Variants in FHIT observed in about 807,000 individuals in gnomAD.
FHIT encodes the protein fragile histidine triad diadenosine triphosphatase.
A neutral mutation model predicts 17.9 loss-of-function variants in FHIT; 19 were observed. That is an observed-to-expected ratio of 1.06 (90% CI 0.74 to 1.56). The LOEUF (loss-of-function observed/expected upper bound fraction) is 1.56, where lower values mean the gene tolerates loss of function less well. FHIT is among the 40% of genes most tolerant of loss of function. The pLI is 0.00. For synonymous variants in FHIT, 81 were observed against 69.7 expected (o/e 1.16, Z -0.81); for missense variants, 248 against 189.2 (o/e 1.31, Z -1.82).
At chr3:60,116,243 A>G (rs1704955958) in intron 5 of FHIT, among the ~76,000 whole-genome samples, 1 of 152,204 alleles carries the variant, frequency 6.6e-6, no homozygotes, top group African/African-American at 2.4e-5. Context: ...TAAAGTAGAA[A>G]TATAAACAAA....
chr3:61,239,764 T>TATATATATATATATATAC (rs2040325530), intron 1 of FHIT, among the ~76,000 whole-genome samples: 1 of 56,792 alleles, frequency 1.8e-5, no homozygotes, highest in Non-Finnish European at 6.7e-5. Flanking sequence ...CAACTGGCCA[T>TATATATATATATATATAC]ATATATATAT....
At chr3:60,639,165 G>A (rs1283784528) in intron 4 of FHIT, among the ~76,000 whole-genome samples, 1 of 150,964 alleles carries the variant, frequency 6.6e-6, no homozygotes, top group Non-Finnish European at 1.5e-5. Flanking sequence ...GCATCGTGAG[G>A]GAATAAACCA....
At chr3:59,767,220 C>T (rs751528464) in intron 8 of FHIT, among the ~76,000 whole-genome samples, 6 of 152,112 alleles carry the variant, frequency 3.9e-5, no homozygotes, top group Admixed American at 6.5e-5. Context: ...AGAGCTGGGC[C>T]GGGCGCGGTG....
chr3:59,762,083 C>A (rs1701545714), intron 8 of FHIT, among the ~76,000 whole-genome samples: 1 of 152,086 alleles, frequency 6.6e-6, no homozygotes, highest in South Asian at 2.1e-4. Flanking sequence ...TCATGACAGT[C>A]AACCTGGTAA....
intron 5 of FHIT, among the ~76,000 whole-genome samples, chr3:60,443,416 A>C (rs977475902): frequency 3.3e-5 from 5 of 152,162 alleles, no homozygotes; most frequent in African/African-American, 1.2e-4. Flanking sequence ...GGTTTGTCAT[A>C]AACAGCTTTT....
chr3:59,781,805 C>T (rs1220371430), intron 8 of FHIT, among the ~76,000 whole-genome samples: 1 of 152,086 alleles, frequency 6.6e-6, no homozygotes, highest in Non-Finnish European at 1.5e-5. Context: ...TGTCCTAGGC[C>T]CTAGAGAAAA....
intron 5 of FHIT, among the ~76,000 whole-genome samples, chr3:60,191,259 T>C (rs1251718441): frequency 6.6e-6 from 1 of 152,014 alleles, no homozygotes; most frequent in East Asian, 1.9e-4. Flanking sequence ...TATACAAAAA[T>C]AATGCTTAAA....
At chr3:61,063,936 G>C (rs1041177317) in intron 2 of FHIT, among the ~76,000 whole-genome samples, 4 of 152,200 alleles carry the variant, frequency 2.6e-5, no homozygotes, top group African/African-American at 9.6e-5. Context: ...AACATGGACA[G>C]AAGTATAGCA....
chr3:59,835,413 TAAAG>T (rs1186652563), intron 8 of FHIT, among the ~76,000 whole-genome samples: 1 of 152,180 alleles, frequency 6.6e-6, no homozygotes, highest in Non-Finnish European at 1.5e-5. Flanking sequence ...ACCTTCATAA[TAAAG>T]AGAGTCTTTG....
At chr3:60,751,853 A>C (rs1271004504) in intron 4 of FHIT, among the ~76,000 whole-genome samples, 1 of 152,176 alleles carries the variant, frequency 6.6e-6, no homozygotes, top group African/African-American at 2.4e-5. Context: ...ATATAAAAAA[A>C]CCAGAAACAA....
chr3:61,041,551 G>T (rs948661944), intron 3 of FHIT, among the ~76,000 whole-genome samples: 3 of 151,816 alleles, frequency 2.0e-5, no homozygotes, highest in Non-Finnish European at 4.4e-5. Context: ...TCTTTTTACT[G>T]ATATAATTCC....
intron 5 of FHIT, among the ~76,000 whole-genome samples, chr3:60,054,009 T>C (rs1701986348): frequency 6.6e-6 from 1 of 152,186 alleles, no homozygotes; most frequent in Non-Finnish European, 1.5e-5. Context: ...GTGATTACTC[T>C]GGAAAAGAAA....
intron 8 of FHIT, among the ~76,000 whole-genome samples, chr3:59,861,122 C>G (rs1468546647): frequency 6.6e-6 from 1 of 151,948 alleles, no homozygotes; most frequent in Non-Finnish European, 1.5e-5. Flanking sequence ...GAAGGGGAAG[C>G]AAGCACAAGC....
intron 2 of FHIT, among the ~76,000 whole-genome samples, chr3:61,061,777 C>T (rs115826823): frequency 5.8e-4 from 88 of 152,220 alleles, no homozygotes; most frequent in African/African-American, 1.8e-3. Context: ...ACAAGGTACA[C>T]GTTATTGCAA....
chr3:59,831,532 C>T (rs771352778), intron 8 of FHIT, among the ~76,000 whole-genome samples: 10 of 152,158 alleles, frequency 6.6e-5, no homozygotes, highest in African/African-American at 9.7e-5. Flanking sequence ...CTACCCTCTA[C>T]CCCAGCATTG....
intron 4 of FHIT, among the ~76,000 whole-genome samples, chr3:60,719,082 A>G (rs1735470): frequency 0.93 from 140,951 of 152,208 alleles, 65,753 homozygotes; most frequent in East Asian, 1. Context: ...CAGCCCCACT[A>G]TATCAAGTCC....
chr3:60,738,710 G>A (rs1408275993), intron 4 of FHIT, among the ~76,000 whole-genome samples: 1 of 152,178 alleles, frequency 6.6e-6, no homozygotes, highest in Non-Finnish European at 1.5e-5. Flanking sequence ...AAACACATGT[G>A]AAATGAATGA....
chr3:60,099,112 C>T lies in FHIT; in HGVS notation c.104-84960G>A, dbSNP rs144271279. On this transcript the variant is annotated intron_variant, in intron 5 of 9. Transcript: ENST00000492590. ...CTCCCACTGTGCCTAAAACCCAACA[C>T]TCCAGCCAAAGAGTAATCATGCGCT... Among the ~76,000 whole-genome samples the T allele has an allele frequency of 3.9e-3, 600 of 152,282 alleles. 2 individuals are homozygous for T. The highest frequency in any genetic ancestry group is 0.013 in the African/African-American group (557 of 41,560).
At chr3:61,211,652 G>A (rs1187224209) in intron 1 of FHIT, among the ~76,000 whole-genome samples, 2 of 152,240 alleles carry the variant, frequency 1.3e-5, no homozygotes, top group Non-Finnish European at 2.9e-5. Context: ...GAAGAGAGCA[G>A]TGGTTCTCCC....
Sources: allele counts gnomAD v4.1 joint callset (sites outside exome capture counted in the v4.1 genomes callset), GRCh38; gene constraint gnomAD v4.1.1; transcripts MANE v1.5; gene names NCBI Gene and HGNC (gene_info 2026-07-23, HGNC 2026-07-21).